SERPINI2: variants seen among roughly 807,000 people sequenced by gnomAD.
SERPINI2 encodes serpin I2.
SERPINI2 carries 48 observed loss-of-function variants against 47.3 expected under a neutral mutation model. That is an observed-to-expected ratio of 1.02 (90% CI 0.81 to 1.29). The LOEUF is 1.29. Ranked by LOEUF, SERPINI2 falls within the 50% of genes most tolerant of loss-of-function variation. The pLI, the probability that SERPINI2 is intolerant of heterozygous loss-of-function variation, is 0.00. For synonymous variants in SERPINI2, 135 were observed against 149.3 expected (o/e 0.90, Z 0.70); for missense variants, 448 against 456.9 (o/e 0.98, Z 0.18).
At chr3:167,449,647 C>A (rs1749589690) in intron 6 of SERPINI2, among the ~76,000 whole-genome samples, 1 of 152,042 alleles carries the variant, frequency 6.6e-6, no homozygotes, top group Admixed American at 6.6e-5. Context: ...GCTCCTGCCA[C>A]CACACCTGGC....
intron 5 of SERPINI2, 91 bp downstream of exon 5, chr3:167,465,115 T>C (rs967805383): frequency 2.6e-6 from 3 of 1,133,636 alleles, no homozygotes; most frequent in Non-Finnish European, 2.5e-6. Flanking sequence ...GTCAATAGAC[T>C]TTTCAAGTAT....
intron 5 of SERPINI2, among the ~76,000 whole-genome samples, chr3:167,454,539 T>A (rs2108158348): frequency 6.6e-6 from 1 of 152,302 alleles, no homozygotes; most frequent in African/African-American, 2.4e-5. Context: ...GAGTATGGGC[T>A]TTTAAAGGGT....
intron 1 of SERPINI2, 198 bp downstream of exon 1, chr3:167,473,805 T>C (rs1750407177): frequency 1.4e-6 from 2 of 1,442,418 alleles, no homozygotes; most frequent in Non-Finnish European, 1.8e-6. Context: ...ACCTGATGAA[T>C]AGTCCTATAA....
chr3:167,452,850 G>A (rs1749679048), intron 6 of SERPINI2, 86 bp downstream of exon 6: 1 of 754,318 alleles, frequency 1.3e-6, no homozygotes, highest in Non-Finnish European at 2.2e-6. Flanking sequence ...AGAGCTGAAT[G>A]CTCTTTCAGT....
At chr3:167,457,219 G>A (rs945422005) in intron 5 of SERPINI2, among the ~76,000 whole-genome samples, 4 of 152,170 alleles carry the variant, frequency 2.6e-5, no homozygotes, top group African/African-American at 9.7e-5. Context: ...AATTCAGTGA[G>A]AACTATAAAG....
In SERPINI2 at chr3:167,456,150, CTGTGTGTGTGTG is replaced by C. The variant is rs68048909; in HGVS notation, c.867-3129_867-3118del. On this transcript the variant is annotated intron_variant, in intron 5 of 8. Transcript: ENST00000264677. ...CTGGTCACTTTCCAATCAATTACCT[CTGTGTGTGTGTG>C]TGTGTGTGTGTGTGTGTGTGTGTGT... is the stretch of plus-strand genomic sequence containing the variant. Among the ~76,000 whole-genome samples, 675 of 144,516 alleles carry C rather than the reference CTGTGTGTGTGTG, an allele frequency of 4.7e-3. 5 individuals carry two copies. Among genetic ancestry groups the C allele is most frequent in the African/African-American group, 0.017 (650 of 39,110 alleles). The allele number at this position is 144,516 out of a possible 152,430, so 94.8% of individuals were successfully genotyped here. A position where few individuals can be genotyped will look rare whatever the true frequency, so the allele number is the denominator to read the frequency against.
intron 2 of SERPINI2, chr3:167,469,499 G>A (rs1350058476): frequency 6.6e-6 from 1 of 152,168 alleles, no homozygotes; most frequent in African/African-American, 2.4e-5. Context: ...AGCTTCACAA[G>A]TGACATGACT....
intron 3 of SERPINI2, 151 bp from the exon 4 acceptor site, chr3:167,465,824 C>A: frequency 1.6e-6 from 1 of 616,938 alleles, no homozygotes; most frequent in Non-Finnish European, 2.7e-6. Flanking sequence ...TGAGAATAGA[C>A]GGGATTGCTG....
chr3:167,448,242 C>T (rs1172334645), intron 7 of SERPINI2, among the ~76,000 whole-genome samples: 1 of 152,154 alleles, frequency 6.6e-6, no homozygotes, highest in African/African-American at 2.4e-5. Flanking sequence ...ATACAAATTT[C>T]CTAGTGATCT....
At chr3:167,451,188 A>G (rs1316833931) in intron 6 of SERPINI2, among the ~76,000 whole-genome samples, 1 of 149,878 alleles carries the variant, frequency 6.7e-6, no homozygotes, top group Non-Finnish European at 1.5e-5. Flanking sequence ...CCCAGTCACT[A>G]TATTATCTCA....
chr3:167,445,586 G>A (rs563117649), intron 8 of SERPINI2, among the ~76,000 whole-genome samples: 1 of 152,320 alleles, frequency 6.6e-6, no homozygotes, highest in African/African-American at 2.4e-5. Flanking sequence ...CTGATACTAT[G>A]TGCAAGGCAT....
chr3:167,446,873 C>T (rs13085856), intron 7 of SERPINI2: 29,118 of 153,136 alleles, frequency 0.19, 4,106 homozygotes, highest in African/African-American at 0.39. Flanking sequence ...ATTTGCACTT[C>T]GGGTTTGTGG....
chr3:167,473,453 C>A (rs886212519), intron 1 of SERPINI2, among the ~76,000 whole-genome samples: 1 of 151,350 alleles, frequency 6.6e-6, no homozygotes, highest in Non-Finnish European at 1.5e-5. Context: ...TTTGTAGATA[C>A]GTAGTCAAAA....
chr3:167,465,657 C>G (rs1306926561), exon 4 of SERPINI2: 1 of 1,608,248 alleles, frequency 6.2e-7, no homozygotes, highest in Admixed American at 1.7e-5. Context: ...CCCCTGAAAA[C>G]ATGTCTTTAA....
intron 5 of SERPINI2, among the ~76,000 whole-genome samples, chr3:167,462,441 A>AT (rs141680786): frequency 6.6e-6 from 1 of 151,978 alleles, no homozygotes; most frequent in Non-Finnish European, 1.5e-5. Flanking sequence ...GTAGATGGCC[A>AT]TTTTTTTCCC....
exon 5 of SERPINI2, chr3:167,465,373 G>T (rs1204345682): frequency 1.2e-6 from 2 of 1,603,650 alleles, no homozygotes; most frequent in Middle Eastern, 3.3e-4. Flanking sequence ...AAACTTGGTA[G>T]TTCAGGGAAG....
intron 5 of SERPINI2, 90 bp from the exon 6 acceptor site, chr3:167,453,123 T>C (rs929904004): frequency 2.5e-5 from 15 of 605,054 alleles, no homozygotes; most frequent in African/African-American, 2.3e-4. Flanking sequence ...GAGGATAATA[T>C]ATTGTAAAAT....
intron 6 of SERPINI2, 33 bp from the exon 7 acceptor site, chr3:167,449,435 A>T: frequency 7.4e-7 from 1 of 1,359,018 alleles, no homozygotes; most frequent in Non-Finnish European, 1.0e-6. Flanking sequence ...AAGTGTATTT[A>T]AGAGTTAAAA....
upstream of SERPINI2, among the ~76,000 whole-genome samples, chr3:167,475,019 T>A (rs1750447672): frequency 6.6e-6 from 1 of 151,878 alleles, no homozygotes; most frequent in Non-Finnish European, 1.5e-5. Flanking sequence ...CCTGTTAACA[T>A]CTTTCCATGT....
Sources: gnomAD v4.1 joint callset for allele counts (sites outside exome capture counted in the v4.1 genomes callset) on GRCh38, gnomAD v4.1.1 for gene constraint, MANE v1.5 for transcripts, NCBI Gene and HGNC (gene_info 2026-07-23, HGNC 2026-07-21) for gene names.